Variants in TIMM9 observed in about 807,000 individuals in gnomAD.
TIMM9 encodes the protein mitochondrial import inner membrane translocase subunit Tim9.
In TIMM9, 10 loss-of-function variants were observed where a neutral mutation model predicts 13.4. The observed-to-expected ratio is 0.75, with a 90% confidence interval of 0.46 to 1.26. The LOEUF (loss-of-function observed/expected upper bound fraction) is 1.26, where lower values mean the gene tolerates loss of function less well. TIMM9 is among the 50% of genes most tolerant of loss of function. TIMM9 has a pLI of 0.00. For missense variants in TIMM9, 87 were observed against 100.8 expected, an observed-to-expected ratio of 0.86 and a Z score of 0.58; for synonymous variants, 32 against 32.1, an observed-to-expected ratio of 1.00 and a Z score of 0.01.
intron 3 of TIMM9, among the ~76,000 whole-genome samples, chr14:58,421,509 A>G (rs889377529): frequency 2.0e-5 from 3 of 152,224 alleles, no homozygotes; most frequent in African/African-American, 7.2e-5. Flanking sequence ...AACTGGGTAA[A>G]GGACACAGGG....
chr14:58,411,665 C>T lies in TIMM9; in HGVS notation c.39+242G>A, dbSNP rs377701642. Among the ~76,000 whole-genome samples, 88 of 151,744 alleles carry T rather than the reference C, an allele frequency of 5.8e-4. 1 individual carries two copies. Among genetic ancestry groups the T allele is most frequent in the African/African-American group, 1.9e-3 (79 of 41,420 alleles). On this transcript the variant is annotated intron_variant, in intron 4 of 5. Transcript: ENST00000395159. Reference sequence around the variant, plus strand: ...GCAATTCCTGTGCCTCAGCCTCCCACGTAGCTGGGACTAGAGGTGTGCGCC... The same window carrying T: ...GCAATTCCTGTGCCTCAGCCTCCCATGTAGCTGGGACTAGAGGTGTGCGCC...
chr14:58,424,641 G>C (rs1429923248), intron 2 of TIMM9, among the ~76,000 whole-genome samples: 1 of 152,176 alleles, frequency 6.6e-6, no homozygotes, highest in East Asian at 1.9e-4. Context: ...GCTGAGGTGG[G>C]TGGATAGCTT....
Position 58,412,142 on chromosome 14 carries a change from TA to T in TIMM9, c.-26-172del, listed in dbSNP as rs1243746644. 5.7e-6 allele frequency: 3 copies of T among 529,470 alleles called. No homozygotes were observed. In the East Asian group the frequency reaches 9.5e-5, roughly 17 times the overall value. 32.8% of individuals were successfully genotyped at this position (529,470 alleles called of 1,614,324 possible). A position where few individuals can be genotyped will look rare whatever the true frequency, so the allele number is the denominator to read the frequency against. ...ACCATAGAACCTTACAGTTGAGAATTAGATTTTCTTTTTTTTTTTGAGACGG... is the reference window on the plus strand; with the variant it reads ...ACCATAGAACCTTACAGTTGAGAATTGATTTTCTTTTTTTTTTTGAGACGG... On this transcript the variant is annotated intron_variant, in intron 3 of 5. Transcript: ENST00000395159.
chr14:58,419,117 G>A lies in TIMM9; in HGVS notation c.-27+4891C>T, dbSNP rs574386468. ...CCACTGGTGGAGGGACAGACAAATA[G>A]TCAGTGGAACATAACAAAGAATCTA... On this transcript the variant is annotated intron_variant, in intron 3 of 5. Coordinates refer to ENST00000395159, the MANE Select transcript of TIMM9 (RefSeq NM_012460.4). 2.6e-5 allele frequency among the ~76,000 whole-genome samples: 4 copies of A among 152,174 alleles called. No homozygotes were observed. In the South Asian group the frequency reaches 8.3e-4, roughly 32 times the overall value.
intron 3 of TIMM9, among the ~76,000 whole-genome samples, chr14:58,423,514 C>CAAA (rs398025245): frequency 2.1e-4 from 14 of 66,492 alleles, no homozygotes; most frequent in African/African-American, 5.2e-4. Context: ...GACTTTGTCT[C>CAAA]AAAAAAAAAA....
chr14:58,410,468 C>A (rs140908109), intron 5 of TIMM9, among the ~76,000 whole-genome samples: 1 of 151,978 alleles, frequency 6.6e-6, no homozygotes, highest in Non-Finnish European at 1.5e-5. Context: ...TATGAGCCAC[C>A]AAAGTCAAGC....
intron 3 of TIMM9, among the ~76,000 whole-genome samples, chr14:58,413,003 T>G (rs1325230909): frequency 6.6e-6 from 1 of 152,168 alleles, no homozygotes; most frequent in African/African-American, 2.4e-5. Flanking sequence ...GTCACCAAAT[T>G]GCTTATTTTA....
At position 58,409,088 on chromosome 14, in the gene TIMM9, A is replaced by C. The variant is rs779696743; in HGVS notation, c.216T>G (p.Ile72Met). 1.2e-6 allele frequency: 2 copies of C among 1,613,948 alleles called. No individual in the cohort carries two copies. Among genetic ancestry groups the C allele is most frequent in the Non-Finnish European group, 1.7e-6 (2 of 1,179,992 alleles). The change falls in exon 6 of 6, where the codon ATT (isoleucine) becomes ATG (methionine). Residue 72 changes from isoleucine to methionine, a missense_variant. Ile to Met is a conservative substitution (Grantham distance 10). Coordinates refer to ENST00000395159, the MANE Select transcript of TIMM9 (RefSeq NM_012460.4). ...TGGCTGCCAGGGCTTCATTCTGCTG[A>C]ATATGATATTCCTGAAATCTCATGG... ...RISMRFQEYH[I>M]QQNEALAAKA... is the part of the protein sequence containing the mutation.
chr14:58,423,201 C>T (rs969988042), intron 3 of TIMM9, among the ~76,000 whole-genome samples: 3 of 152,014 alleles, frequency 2.0e-5, no homozygotes, highest in East Asian at 1.9e-4. Context: ...AAGCTATCCT[C>T]GGTAGTCACC....
chr14:58,412,013 A>C (rs2036236433), intron 3 of TIMM9, 42 bp from the exon 4 acceptor site: 10 of 1,469,778 alleles, frequency 6.8e-6, no homozygotes, highest in Non-Finnish European at 9.5e-6. Flanking sequence ...TCTATAAACA[A>C]ATGTTTTTAG....
chr14:58,426,880 A>G (rs1281545363), intron 2 of TIMM9, among the ~76,000 whole-genome samples, 174 bp downstream of exon 2: 1 of 152,150 alleles, frequency 6.6e-6, no homozygotes, highest in Non-Finnish European at 1.5e-5. Flanking sequence ...AGGTGACACC[A>G]TCTCCAGGAA....
chr14:58,408,644 C>A lies in TIMM9; in HGVS notation c.*390G>T. Reference sequence around the variant, plus strand: ...CTATGGTACCATACAGTATAAACAACTGCTCAGTGATATTTCCATTTATTT... The same window carrying A: ...CTATGGTACCATACAGTATAAACAAATGCTCAGTGATATTTCCATTTATTT... On this transcript the variant is annotated 3_prime_UTR_variant, in exon 6 of 6. Coordinates refer to ENST00000395159, the MANE Select transcript of TIMM9 (RefSeq NM_012460.4). 1 of 1,461,016 alleles carries A rather than the reference C, an allele frequency of 6.8e-7. No individual in the cohort carries two copies. The highest frequency in any genetic ancestry group is 1.4e-5 in the African/African-American group (1 of 70,012). The allele number at this position is 1,461,016 out of a possible 1,614,324, so 90.5% of individuals were successfully genotyped here.
chr14:58,419,896 G>A (rs990666883), intron 3 of TIMM9, among the ~76,000 whole-genome samples: 2 of 152,174 alleles, frequency 1.3e-5, no homozygotes, highest in South Asian at 4.1e-4. Context: ...CAGCCTGGGT[G>A]ACAGACCCTC....
chr14:58,411,624 C>G (rs2036219783), intron 4 of TIMM9, among the ~76,000 whole-genome samples: 1 of 151,890 alleles, frequency 6.6e-6, no homozygotes. Context: ...ACTGCAGCCT[C>G]TGCTTCCTGG....
At chr14:58,409,264 TC>T (rs2036131159) in intron 5 of TIMM9, 96 bp from the exon 6 acceptor site, 2 of 1,375,174 alleles carry the variant, frequency 1.5e-6, no homozygotes, top group African/African-American at 2.9e-5. Context: ...AGTTTGCTTT[TC>T]TTTGAATATA....
At chr14:58,411,767 C>T in intron 4 of TIMM9, 140 bp downstream of exon 4, 2 of 706,374 alleles carry the variant, frequency 2.8e-6, no homozygotes, top group South Asian at 3.4e-5. Context: ...GAACTCCTGA[C>T]TTCATGTGAT....
rs181661407 is a variant in TIMM9 at position 58,411,837 on chromosome 14, T to C, written c.39+70A>G. 1.5e-4 allele frequency: 215 copies of C among 1,443,216 alleles called. 1 individual carries two copies. The African/African-American group carries it at 2.7e-3, about 18-fold the overall frequency. The allele number at this position is 1,443,216 out of a possible 1,614,324, so 89.4% of individuals were successfully genotyped here. A position where few individuals can be genotyped will look rare whatever the true frequency, so the allele number is the denominator to read the frequency against. On this transcript the variant is annotated intron_variant, in intron 4 of 5. Transcript: ENST00000395159. Reference sequence around the variant, plus strand: ...CAGATGTGAGCCACTGCACCCAGCCTGACATGGTGGCATTAGTAGCACCTT... The same window carrying C: ...CAGATGTGAGCCACTGCACCCAGCCCGACATGGTGGCATTAGTAGCACCTT...
Position 58,409,035 on chromosome 14 carries a change from T to C in TIMM9, c.269A>G (p.Ter90TrpextTer6). 6.2e-7 allele frequency: 1 copy of C among 1,611,774 alleles called. No individual in the cohort carries two copies. Among genetic ancestry groups the C allele is most frequent in the Non-Finnish European group, 8.5e-7 (1 of 1,179,632 alleles). ...AAAAGTTCATCCATCAGGACTTCTC[T>C]ATCGTGGTTGGCCAAGGAGTCCTGC... ...AKAGLLGQPR[*>W] Residue 90 changes from the stop codon to tryptophan, a stop_lost, in exon 6 of 6, where the codon TAG (stop) becomes TGG (tryptophan). Transcript: ENST00000395159.
At chr14:58,411,603 G>A (rs536239898) in intron 4 of TIMM9, among the ~76,000 whole-genome samples, 8 of 151,270 alleles carry the variant, frequency 5.3e-5, no homozygotes, top group Admixed American at 2.6e-4. Context: ...GCAATGCCAC[G>A]ATCTCGGCTC....
Sources: allele counts gnomAD v4.1 joint callset (sites outside exome capture counted in the v4.1 genomes callset), GRCh38; gene constraint gnomAD v4.1.1; transcripts MANE v1.5; gene names NCBI Gene and HGNC (gene_info 2026-07-23, HGNC 2026-07-21).